Variants in CSGALNACT1 observed in about 807,000 individuals in gnomAD.
The protein encoded by CSGALNACT1 is beta4GalNAcT-1.
CSGALNACT1 carries 52 observed loss-of-function variants against 51.0 expected under a neutral mutation model. The observed-to-expected ratio is 1.02, with a 90% CI of 0.82 to 1.29. CSGALNACT1 has a LOEUF of 1.29. Ranked by LOEUF, CSGALNACT1 falls within the 50% of genes most tolerant of loss-of-function variation. CSGALNACT1 has a pLI of 0.00. For missense variants in CSGALNACT1, 935 were observed against 679.2 expected (o/e 1.38, Z -4.19); for synonymous variants, 341 against 254.4 (o/e 1.34, Z -3.24).
chr8:19,656,798 T>C (rs1589304125), intron 1 of CSGALNACT1, among the ~76,000 whole-genome samples: 2 of 152,194 alleles, frequency 1.3e-5, no homozygotes, highest in East Asian at 3.8e-4. Context: ...CCAGATGCAG[T>C]GGCTCACGCC....
At chr8:19,556,906 G>A (rs1216085247) in intron 3 of CSGALNACT1, among the ~76,000 whole-genome samples, 2 of 150,474 alleles carry the variant, frequency 1.3e-5, no homozygotes, top group African/African-American at 4.9e-5. Flanking sequence ...TACAAAGTTA[G>A]AGACACCTGT....
At chr8:19,475,264 G>A (rs1160349825) in intron 4 of CSGALNACT1, among the ~76,000 whole-genome samples, 3 of 152,170 alleles carry the variant, frequency 2.0e-5, no homozygotes, top group Non-Finnish European at 2.9e-5. Flanking sequence ...AGACCAGGTA[G>A]AGAATGCAGT....
chr8:19,628,987 T>C (rs1048586730), intron 1 of CSGALNACT1, among the ~76,000 whole-genome samples: 1 of 152,120 alleles, frequency 6.6e-6, no homozygotes, highest in African/African-American at 2.4e-5. Context: ...TCCATTTTGG[T>C]CCACTTATTT....
At chr8:19,736,510 C>T (rs1213893457) in intron 1 of CSGALNACT1, among the ~76,000 whole-genome samples, 1 of 132,032 alleles carries the variant, frequency 7.6e-6, no homozygotes, top group African/African-American at 2.7e-5. Context: ...CATTAGGTCC[C>T]AAAACCAAAA....
chr8:19,661,258 G>A (rs746581768), intron 1 of CSGALNACT1, among the ~76,000 whole-genome samples: 1 of 152,088 alleles, frequency 6.6e-6, no homozygotes, highest in African/African-American at 2.4e-5. Flanking sequence ...GCCTCTCCCA[G>A]AGCCTCATCT....
chr8:19,459,699 T>C (rs546100588), intron 4 of CSGALNACT1, among the ~76,000 whole-genome samples: 1 of 152,310 alleles, frequency 6.6e-6, no homozygotes, highest in Admixed American at 6.5e-5. Context: ...AATTACTTCA[T>C]GCTCCTGTGC....
At chr8:19,678,170 A>C (rs2060335738) in intron 1 of CSGALNACT1, among the ~76,000 whole-genome samples, 1 of 152,106 alleles carries the variant, frequency 6.6e-6, no homozygotes, top group Non-Finnish European at 1.5e-5. Flanking sequence ...ATGTTTCCTA[A>C]ATTGTTTTCT....
chr8:19,522,111 G>C (rs1297383596), intron 3 of CSGALNACT1, among the ~76,000 whole-genome samples: 1 of 152,168 alleles, frequency 6.6e-6, no homozygotes, highest in East Asian at 1.9e-4. Flanking sequence ...TTGTCTTATA[G>C]AGTCCTCATG....
At chr8:19,409,707 C>A (rs1228350192) in intron 8 of CSGALNACT1, among the ~76,000 whole-genome samples, 1 of 152,080 alleles carries the variant, frequency 6.6e-6, no homozygotes, top group East Asian at 1.9e-4. Context: ...TTCCTCTTTC[C>A]CCACTTGGAT....
intron 1 of CSGALNACT1, among the ~76,000 whole-genome samples, chr8:19,623,272 A>G (rs2054053163): frequency 6.6e-6 from 1 of 152,240 alleles, no homozygotes. Flanking sequence ...AAAAAAGTGG[A>G]TGAATTAAAG....
chr8:19,527,776 T>C lies in CSGALNACT1; in HGVS notation c.-296-21646A>G, dbSNP rs757821163. On this transcript the variant is annotated intron_variant, in intron 3 of 9. Coordinates refer to ENST00000454498, the Ensembl canonical transcript of CSGALNACT1. The stretch of plus-strand genomic sequence containing the variant: ...CTGTAGAAAACCAAAAATATCAAAT[T>C]TGGGGAGGAGATTATGAGTGTGGGC... Among the ~76,000 whole-genome samples the C allele has an allele frequency of 5.9e-5, 9 of 151,698 alleles. No individual in the cohort carries two copies. In the South Asian group the frequency reaches 6.2e-4, roughly 11 times the overall value.
chr8:19,447,862 G>A (rs575629693), intron 5 of CSGALNACT1, among the ~76,000 whole-genome samples: 17 of 152,322 alleles, frequency 1.1e-4, no homozygotes, highest in Non-Finnish European at 1.8e-4. Context: ...TACAAAAAAC[G>A]TGAGGCTTTC....
intron 3 of CSGALNACT1, among the ~76,000 whole-genome samples, chr8:19,525,615 CAAAAAAAA>C (rs34787475): frequency 2.5e-4 from 5 of 20,380 alleles, no homozygotes; most frequent in Admixed American, 1.0e-3. Flanking sequence ...AAACTTGTCC[CAAAAAAAA>C]AAAAAAAAAA....
chr8:19,634,835 T>C (rs974778448), intron 1 of CSGALNACT1, among the ~76,000 whole-genome samples: 1 of 152,184 alleles, frequency 6.6e-6, no homozygotes, highest in Non-Finnish European at 1.5e-5. Context: ...AAAATTCTCT[T>C]GCATAACCAC....
At chr8:19,691,551 T>G (rs1030953156) in intron 1 of CSGALNACT1, among the ~76,000 whole-genome samples, 1 of 152,018 alleles carries the variant, frequency 6.6e-6, no homozygotes, top group African/African-American at 2.4e-5. Context: ...GCCCACTGAG[T>G]GGGGCAGCAC....
At chr8:19,727,484 A>T (rs1456814874) in intron 1 of CSGALNACT1, among the ~76,000 whole-genome samples, 20 of 151,628 alleles carry the variant, frequency 1.3e-4, no homozygotes, top group Admixed American at 1.3e-3. Flanking sequence ...CAAGCAGCTG[A>T]GACTACAGGC....
intron 3 of CSGALNACT1, among the ~76,000 whole-genome samples, chr8:19,556,960 G>A (rs1386517435): frequency 6.8e-6 from 1 of 146,776 alleles, no homozygotes; most frequent in African/African-American, 2.6e-5. Flanking sequence ...CAGATGAGAA[G>A]GATCATACTC....
At chr8:19,566,578 G>A (rs528450308) in intron 3 of CSGALNACT1, among the ~76,000 whole-genome samples, 1 of 152,050 alleles carries the variant, frequency 6.6e-6, no homozygotes, top group Non-Finnish European at 1.5e-5. Context: ...CAAAAAAGAT[G>A]TTTCCGTTTC....
At chr8:19,591,013 T>A (rs1482113520) in intron 3 of CSGALNACT1, 1 of 152,180 alleles carries the variant, frequency 6.6e-6, no homozygotes, top group Non-Finnish European at 1.5e-5. Flanking sequence ...GAAAAATTAA[T>A]GAGACACTAA....
Sources: gnomAD v4.1 joint callset for allele counts (sites outside exome capture counted in the v4.1 genomes callset) on GRCh38, gnomAD v4.1.1 for gene constraint, MANE v1.5 for transcripts, NCBI Gene and HGNC (gene_info 2026-07-23, HGNC 2026-07-21) for gene names.